The following RCOR3 variants were observed in gnomAD, a reference collection of about 807,000 sequenced individuals.
The protein encoded by RCOR3 is REST corepressor 3.
A neutral mutation model predicts 64.1 loss-of-function variants in RCOR3; 13 were observed. The observed-to-expected ratio is 0.20, with a 90% CI of 0.13 to 0.32. The LOEUF is 0.32. RCOR3 is among the 10% of genes least tolerant of loss of function. The pLI, the probability that RCOR3 is intolerant of heterozygous loss-of-function variation, is 1.00. For synonymous variants in RCOR3, 215 were observed against 239.0 expected (o/e 0.90, Z 0.93); for missense variants, 489 against 701.2 (o/e 0.70, Z 3.42).
intron 7 of RCOR3, among the ~76,000 whole-genome samples, chr1:211,281,000 A>G (rs1207587926): frequency 6.6e-5 from 10 of 150,580 alleles, no homozygotes; most frequent in Admixed American, 6.6e-4. Context: ...AAAAAAAAAA[A>G]AGGCATATGT....
At position 211,314,541 on chromosome 1, in the gene RCOR3, C is replaced by T. The variant is rs527372016; in HGVS notation, c.*773C>T. Reference sequence around the variant, plus strand: ...AGGATTGGAAGAATAATTTTGCATACAAATGAGGACTTAATTTGTTGAAAT... The same window carrying T: ...AGGATTGGAAGAATAATTTTGCATATAAATGAGGACTTAATTTGTTGAAAT... On this transcript the variant is annotated 3_prime_UTR_variant, in exon 12 of 12. Coordinates refer to ENST00000419091, the MANE Select transcript of RCOR3 (RefSeq NM_001136223.3). 3.3e-5 allele frequency: 5 copies of T among 152,238 alleles called. No homozygotes were observed. The highest frequency in any genetic ancestry group is 1.2e-4 in the African/African-American group (5 of 41,542). 9.4% of individuals were successfully genotyped at this position (152,238 alleles called of 1,614,324 possible).
intron 7 of RCOR3, among the ~76,000 whole-genome samples, chr1:211,286,273 T>TC (rs1698507387): frequency 6.6e-6 from 1 of 151,916 alleles, no homozygotes; most frequent in South Asian, 2.1e-4. Context: ...CAATTTTCTT[T>TC]CCCTCTGTGT....
At chr1:211,288,485 A>G (rs935106654) in intron 7 of RCOR3, among the ~76,000 whole-genome samples, 3 of 104,730 alleles carry the variant, frequency 2.9e-5, no homozygotes, top group Non-Finnish European at 5.5e-5. Flanking sequence ...AAATAAATTT[A>G]TAAATATTTA....
chr1:211,297,547 A>G (rs778294515), intron 9 of RCOR3, among the ~76,000 whole-genome samples: 36 of 152,176 alleles, frequency 2.4e-4, no homozygotes, highest in Admixed American at 8.5e-4. Context: ...TAATGCAGCT[A>G]TTGGGTGAGA....
Position 211,271,646 on chromosome 1 carries a change from A to T in RCOR3, c.301+337A>T, listed in dbSNP as rs577683998. On this transcript the variant is annotated intron_variant, in intron 3 of 11. Transcript: ENST00000419091. ...CTTTTCCTCAGTATATGGAGCGGTAAAGACATGCCTTCAAACTTCAAAGAG... is the reference window on the plus strand; with the variant it reads ...CTTTTCCTCAGTATATGGAGCGGTATAGACATGCCTTCAAACTTCAAAGAG... 6.1e-5 allele frequency: 26 copies of T among 429,536 alleles called. No homozygotes were observed. The East Asian group carries it at 1.6e-3, about 27-fold the overall frequency. The allele number at this position is 429,536 out of a possible 1,614,324, so 26.6% of individuals were successfully genotyped here.
intron 2 of RCOR3, among the ~76,000 whole-genome samples, chr1:211,268,090 G>T (rs1324453059): frequency 6.6e-6 from 1 of 152,116 alleles, no homozygotes; most frequent in Non-Finnish European, 1.5e-5. Context: ...TGCATTTCGT[G>T]TTCTATTAAG....
At position 211,259,693 on chromosome 1, in the gene RCOR3, C is replaced by T. The variant is rs979303097; in HGVS notation, c.133C>T (p.Pro45Ser). 1.3e-6 allele frequency: 2 copies of T among 1,534,590 alleles called. No homozygotes were observed. The highest frequency in any genetic ancestry group is 1.8e-6 in the Non-Finnish European group (2 of 1,139,784). Residue 45 changes from proline (P) to serine (S), a missense_variant, in exon 1 of 12, where the codon CCC becomes TCC. Physicochemically the swap from Pro to Ser is moderately conservative, Grantham distance 74. Coordinates refer to ENST00000419091, the MANE Select transcript of RCOR3 (RefSeq NM_001136223.3). ...STNGGLHYSE[P>S]ESGCSSDDEH... ...CAACGGCGGGCTGCACTACTCAGAG[C>T]CCGAGAGCGGCTGCAGCAGCGACGA...
chr1:211,311,672 C>T (rs2102680315), intron 10 of RCOR3, among the ~76,000 whole-genome samples: 1 of 152,160 alleles, frequency 6.6e-6, no homozygotes, highest in South Asian at 2.1e-4. Flanking sequence ...TTTTTGTCTC[C>T]TTTCTCATCT....
intron 2 of RCOR3, among the ~76,000 whole-genome samples, chr1:211,264,471 C>T (rs927772095): frequency 1.3e-5 from 2 of 152,056 alleles, no homozygotes; most frequent in African/African-American, 4.8e-5. Flanking sequence ...CGCTTGAGCC[C>T]AGGAGTTTGA....
At chr1:211,274,741 T>C (rs994046344) in intron 4 of RCOR3, among the ~76,000 whole-genome samples, 1 of 151,938 alleles carries the variant, frequency 6.6e-6, no homozygotes, top group African/African-American at 2.4e-5. Flanking sequence ...TTGAATGAAA[T>C]CACAAAAGGC....
chr1:211,301,230 G>A (rs1243105205), intron 9 of RCOR3, among the ~76,000 whole-genome samples: 1 of 152,034 alleles, frequency 6.6e-6, no homozygotes, highest in Admixed American at 6.6e-5. Flanking sequence ...AGCCTCAAGT[G>A]GAACCTGAAC....
At chr1:211,262,033 C>CTTT (rs1196587722) in intron 2 of RCOR3, among the ~76,000 whole-genome samples, 5,814 of 65,082 alleles carry the variant, frequency 0.089, 1,671 homozygotes, top group African/African-American at 0.18. Context: ...GCTATAAAAA[C>CTTT]TTTTTTTTTT....
At chr1:211,295,320 CATT>C (rs1331935770) in intron 8 of RCOR3, among the ~76,000 whole-genome samples, 6 of 152,050 alleles carry the variant, frequency 3.9e-5, no homozygotes, top group African/African-American at 1.4e-4. Context: ...CTACCATCAT[CATT>C]ACTATTGGAA....
chr1:211,274,163 A>G (rs137858856), intron 3 of RCOR3, 47 bp from the exon 4 acceptor site: 3 of 1,285,318 alleles, frequency 2.3e-6, no homozygotes, highest in African/African-American at 1.5e-5. Flanking sequence ...ACCTAGGTAA[A>G]TGAAGTAAAT....
Position 211,313,223 on chromosome 1 carries a change from TG to T in RCOR3, c.1318-200del. ...TAAGCTGTTTACAAATAAAGATGCCTGTTTGGTAGCCTCATTGGTTTTTGGT... is the reference window on the plus strand; with the variant it reads ...TAAGCTGTTTACAAATAAAGATGCCTTTTGGTAGCCTCATTGGTTTTTGGT... On this transcript the variant is annotated intron_variant, in intron 11 of 11. Transcript: ENST00000419091. The surrounding 1 kb of genome is among the most constrained non-coding windows in gnomAD (Gnocchi z 4.7). 1 of 1,431,382 alleles carries T rather than the reference TG, an allele frequency of 7.0e-7. No individual in the cohort carries two copies. Among genetic ancestry groups the T allele is most frequent in the Non-Finnish European group, 9.1e-7 (1 of 1,099,482 alleles). The allele number at this position is 1,431,382 out of a possible 1,614,324, so 88.7% of individuals were successfully genotyped here. A position where few individuals can be genotyped will look rare whatever the true frequency, so the allele number is the denominator to read the frequency against.
chr1:211,260,230 C>T, intron 2 of RCOR3, 66 bp downstream of exon 2: 1 of 1,461,176 alleles, frequency 6.8e-7, no homozygotes. Flanking sequence ...GGTGGACGGG[C>T]TAGGAGTCCG....
intron 9 of RCOR3, among the ~76,000 whole-genome samples, chr1:211,300,917 CGTGT>C (rs1055057869): frequency 6.6e-6 from 1 of 151,172 alleles, no homozygotes; most frequent in African/African-American, 2.4e-5. Flanking sequence ...TGCGTGCGTG[CGTGT>C]GTGTGTGTGT....
At position 211,260,330 on chromosome 1, in the gene RCOR3, C is replaced by T. The variant is rs6679980; in HGVS notation, c.223+166C>T. Among the ~76,000 whole-genome samples, 23,795 of 152,134 alleles carry T rather than the reference C, an allele frequency of 0.16. 2,071 individuals are homozygous for T. The highest frequency in any genetic ancestry group is 0.22 in the African/African-American group (8,968 of 41,512). ...GGCTTGGCCGGGCTGTGACACTGGG[C>T]GTGTGGGCAGATGTGTGCACTGCAA... On this transcript the variant is annotated intron_variant, in intron 2 of 11. Transcript: ENST00000419091.
intron 3 of RCOR3, among the ~76,000 whole-genome samples, chr1:211,272,428 G>T (rs867986592): frequency 6.6e-6 from 1 of 152,098 alleles, no homozygotes; most frequent in East Asian, 1.9e-4. Context: ...ACAAAATTCA[G>T]CCAGAGTGTG....
Sources: allele counts gnomAD v4.1 joint callset (sites outside exome capture counted in the v4.1 genomes callset), GRCh38; gene constraint gnomAD v4.1.1; non-coding constraint Gnocchi (gnomAD v3.1); transcripts MANE v1.5; gene names NCBI Gene and HGNC (gene_info 2026-07-23, HGNC 2026-07-21).